Variants in SUGCT observed in about 807,000 individuals in gnomAD.
The protein encoded by SUGCT is succinyl-CoA:glutarate CoA-transferase.
SUGCT carries 41 observed loss-of-function variants against 55.0 expected under a neutral mutation model. The observed-to-expected ratio is 0.74, with a 90% CI of 0.58 to 0.97. The LOEUF (loss-of-function observed/expected upper bound fraction) is 0.97. Ranked by LOEUF, SUGCT falls within the 50% of genes least tolerant of loss-of-function variation. The pLI is 0.00. For missense variants in SUGCT, 568 were observed against 547.8 expected, an observed-to-expected ratio of 1.04 and a Z score of -0.37; for synonymous variants, 187 against 200.4, an observed-to-expected ratio of 0.93 and a Z score of 0.56.
At chr7:40,691,460 C>T (rs1269733294) in intron 12 of SUGCT, among the ~76,000 whole-genome samples, 3 of 152,054 alleles carry the variant, frequency 2.0e-5, no homozygotes, top group Non-Finnish European at 4.4e-5. Flanking sequence ...ATCAATAATT[C>T]TTCCCAGAAG....
intron 8 of SUGCT, among the ~76,000 whole-genome samples, chr7:40,315,830 C>G (rs191057690): frequency 6.6e-6 from 1 of 152,198 alleles, no homozygotes; most frequent in East Asian, 1.9e-4. Context: ...ACTTTTTATT[C>G]TTTTCTGGAA....
intron 9 of SUGCT, among the ~76,000 whole-genome samples, chr7:40,356,255 A>T (rs1797883346): frequency 6.6e-6 from 1 of 152,260 alleles, no homozygotes; most frequent in South Asian, 2.1e-4. Context: ...TTACCGTCAT[A>T]AAAGTTTTGC....
chr7:40,949,504 G>A, the SUGCT span, among the ~76,000 whole-genome samples: 5 of 152,050 alleles, frequency 3.3e-5, no homozygotes, highest in Non-Finnish European at 5.9e-5. Flanking sequence ...CATTGCTTTC[G>A]GTGTTTTAGT....
intron 12 of SUGCT, among the ~76,000 whole-genome samples, chr7:40,646,918 G>T (rs1343767864): frequency 6.6e-6 from 1 of 152,064 alleles, no homozygotes; most frequent in Non-Finnish European, 1.5e-5. Flanking sequence ...AATGAATCAG[G>T]GTGAGCAGGA....
At chr7:40,215,819 G>A (rs915759380) in intron 6 of SUGCT, among the ~76,000 whole-genome samples, 5 of 150,770 alleles carry the variant, frequency 3.3e-5, no homozygotes, top group African/African-American at 9.8e-5. Context: ...CCGAGATCGC[G>A]CCACTGCACT....
At chr7:40,282,334 G>T (rs560088903) in intron 8 of SUGCT, among the ~76,000 whole-genome samples, 6 of 151,826 alleles carry the variant, frequency 4.0e-5, no homozygotes, top group Non-Finnish European at 7.4e-5. Context: ...CGGGCATGGT[G>T]GCATGCACCT....
intron 3 of SUGCT, among the ~76,000 whole-genome samples, chr7:40,188,195 A>C (rs1785651341): frequency 6.6e-6 from 1 of 152,064 alleles, no homozygotes; most frequent in African/African-American, 2.4e-5. Context: ...GCACTTTGGG[A>C]AGCTGAAGCG....
intron 12 of SUGCT, among the ~76,000 whole-genome samples, chr7:40,675,675 G>A (rs1336339393): frequency 6.6e-6 from 1 of 152,174 alleles, no homozygotes; most frequent in African/African-American, 2.4e-5. Context: ...CCATGCAGAG[G>A]TGCTTTCGGC....
chr7:40,869,167 T>C, the SUGCT span, among the ~76,000 whole-genome samples: 1 of 152,150 alleles, frequency 6.6e-6, no homozygotes, highest in African/African-American at 2.4e-5. Context: ...AGTGCTTCTA[T>C]GGAAGGAATT....
chr7:40,518,905 C>A (rs1793388290), intron 12 of SUGCT, among the ~76,000 whole-genome samples: 1 of 151,916 alleles, frequency 6.6e-6, no homozygotes. Context: ...AATAAATATT[C>A]ATGATATAAT....
intron 9 of SUGCT, among the ~76,000 whole-genome samples, chr7:40,414,960 G>A (rs1786888942): frequency 6.7e-6 from 1 of 149,934 alleles, no homozygotes; most frequent in Non-Finnish European, 1.5e-5. Flanking sequence ...TAGGAGAATT[G>A]CTAGAACTCT....
intron 8 of SUGCT, among the ~76,000 whole-genome samples, chr7:40,279,772 A>G (rs765709355): frequency 1.2e-4 from 19 of 152,126 alleles, no homozygotes; most frequent in Non-Finnish European, 1.8e-4. Flanking sequence ...CATGATTAAA[A>G]CCTGCTTTAT....
intron 13 of SUGCT, among the ~76,000 whole-genome samples, chr7:40,832,189 G>A (rs911538796): frequency 4.6e-5 from 7 of 152,148 alleles, no homozygotes; most frequent in Non-Finnish European, 7.4e-5. Context: ...GTCCTGAAAA[G>A]TAACCCAGAG....
At chr7:40,444,952 G>A (rs568454378) in intron 9 of SUGCT, among the ~76,000 whole-genome samples, 27 of 152,132 alleles carry the variant, frequency 1.8e-4, no homozygotes, top group Admixed American at 2.6e-4. Context: ...GAATTTTGTC[G>A]AAAGCCTTTT....
chr7:40,238,754 C>G (rs1789170827), intron 7 of SUGCT, among the ~76,000 whole-genome samples: 1 of 150,990 alleles, frequency 6.6e-6, no homozygotes, highest in African/African-American at 2.4e-5. Context: ...TCTGGAAATA[C>G]AAAGTTATTG....
chr7:40,440,426 G>A (rs902576182), intron 9 of SUGCT, among the ~76,000 whole-genome samples: 2 of 151,940 alleles, frequency 1.3e-5, no homozygotes, highest in African/African-American at 4.8e-5. Context: ...CTCCCAAAGT[G>A]CCAGGATTAC....
intron 12 of SUGCT, chr7:40,538,810 GC>G (rs1264903093): frequency 9.8e-5 from 15 of 152,354 alleles, no homozygotes; most frequent in African/African-American, 3.6e-4. Context: ...GGGCGCGGGG[GC>G]TCACGCCTGT....
At chr7:40,274,314 T>A (rs889597376) in intron 7 of SUGCT, among the ~76,000 whole-genome samples, 199 bp from the exon 8 acceptor site, 2 of 152,080 alleles carry the variant, frequency 1.3e-5, no homozygotes, top group Admixed American at 1.3e-4. Flanking sequence ...CACTGAGAAG[T>A]ATATAGTAAA....
chr7:40,312,553 G>T (rs1190909074), intron 8 of SUGCT, among the ~76,000 whole-genome samples: 2 of 152,158 alleles, frequency 1.3e-5, no homozygotes, highest in Non-Finnish European at 2.9e-5. Flanking sequence ...GGATGCATGG[G>T]TAGGTTAAGG....
Sources: gnomAD v4.1 joint callset for allele counts (sites outside exome capture counted in the v4.1 genomes callset) on GRCh38, gnomAD v4.1.1 for gene constraint, MANE v1.5 for transcripts, NCBI Gene and HGNC (gene_info 2026-07-23, HGNC 2026-07-21) for gene names.